The following ADGRB3 variants were observed in gnomAD, a reference collection of about 807,000 sequenced individuals.
ADGRB3 encodes the protein adhesion G protein-coupled receptor B3, also known as brain-specific angiogenesis inhibitor 3.
In ADGRB3, 37 loss-of-function variants were observed where a neutral mutation model predicts 193.4. The ratio of observed to expected loss-of-function variants is 0.19; its 90% CI spans 0.15 to 0.25. The LOEUF is 0.25. Ranked by LOEUF, ADGRB3 falls within the 10% of genes least tolerant of loss-of-function variation. The probability of loss-of-function intolerance (pLI) is 1.00; values close to 1 mark genes in which losing one functional copy is unlikely to be tolerated. For missense variants in ADGRB3, 1,637 were observed against 1,852.9 expected, an observed-to-expected ratio of 0.88 and a Z score of 2.14; for synonymous variants, 690 against 644.2, an observed-to-expected ratio of 1.07 and a Z score of -1.08.
intron 26 of ADGRB3, among the ~76,000 whole-genome samples, chr6:69,351,916 T>C (rs748031018): frequency 6.6e-6 from 1 of 152,182 alleles, no homozygotes; most frequent in Non-Finnish European, 1.5e-5. Context: ...TATTTCTCAT[T>C]TTATATATGC....
At chr6:69,281,410 G>A (rs1767433559) in intron 20 of ADGRB3, among the ~76,000 whole-genome samples, 1 of 152,088 alleles carries the variant, frequency 6.6e-6, no homozygotes, top group African/African-American at 2.4e-5. Context: ...GAAACCTTTG[G>A]TGTTCTGAGA....
intron 20 of ADGRB3, among the ~76,000 whole-genome samples, chr6:69,290,396 G>A (rs1561978252): frequency 6.6e-6 from 1 of 152,040 alleles, no homozygotes; most frequent in Non-Finnish European, 1.5e-5. Context: ...TGGTCTCAGA[G>A]TTGGCAAAAC....
intron 17 of ADGRB3, among the ~76,000 whole-genome samples, chr6:69,087,005 A>G (rs930326377): frequency 2.6e-5 from 4 of 152,108 alleles, no homozygotes; most frequent in African/African-American, 9.7e-5. Flanking sequence ...TAGTCTCAGA[A>G]TTCTGTCCAA....
intron 16 of ADGRB3, among the ~76,000 whole-genome samples, chr6:69,064,605 GT>G (rs1394852933): frequency 6.7e-6 from 1 of 150,104 alleles, no homozygotes; most frequent in Non-Finnish European, 1.5e-5. Context: ...TGTTTTTATT[GT>G]TTTTCTACAG....
chr6:69,274,475 T>TCTTC (rs1767250757), intron 20 of ADGRB3, among the ~76,000 whole-genome samples: 1 of 115,920 alleles, frequency 8.6e-6, no homozygotes, highest in Non-Finnish European at 1.7e-5. Flanking sequence ...CTTCCTTCCT[T>TCTTC]CCTCCCTCCC....
At chr6:68,639,760 C>A (rs1405613388) in intron 3 of ADGRB3, among the ~76,000 whole-genome samples, 2 of 152,044 alleles carry the variant, frequency 1.3e-5, no homozygotes, top group African/African-American at 4.8e-5. Flanking sequence ...TGCAGCCCCT[C>A]ATGGTGACAC....
intron 3 of ADGRB3, among the ~76,000 whole-genome samples, chr6:68,790,900 C>T (rs1011629231): frequency 1.8e-4 from 28 of 152,070 alleles, no homozygotes; most frequent in Non-Finnish European, 8.8e-5. Flanking sequence ...TCCAAAGGAA[C>T]GCAGCTCCTC....
At chr6:68,970,949 CA>C (rs1314705256) in intron 8 of ADGRB3, among the ~76,000 whole-genome samples, 1 of 152,124 alleles carries the variant, frequency 6.6e-6, no homozygotes, top group East Asian at 1.9e-4. Flanking sequence ...TTAGGAATTT[CA>C]AGGAGAGGAA....
intron 3 of ADGRB3, among the ~76,000 whole-genome samples, chr6:68,843,234 G>A (rs1368100602): frequency 6.6e-6 from 1 of 151,868 alleles, no homozygotes; most frequent in Non-Finnish European, 1.5e-5. Context: ...AAGGAGTCAA[G>A]TTATCCTTGT....
chr6:69,231,820 G>A (rs926857105), intron 17 of ADGRB3, among the ~76,000 whole-genome samples: 1 of 152,058 alleles, frequency 6.6e-6, no homozygotes, highest in African/African-American at 2.4e-5. Flanking sequence ...CTTCAAAAAA[G>A]TTGTAATTAA....
At chr6:68,869,303 T>C (rs1401639556) in intron 3 of ADGRB3, among the ~76,000 whole-genome samples, 1 of 152,190 alleles carries the variant, frequency 6.6e-6, no homozygotes, top group East Asian at 1.9e-4. Context: ...GTATTTACAA[T>C]TTTAACTATG....
At chr6:69,204,691 A>G (rs1765498737) in intron 17 of ADGRB3, among the ~76,000 whole-genome samples, 1 of 152,190 alleles carries the variant, frequency 6.6e-6, no homozygotes, top group Admixed American at 6.5e-5. Flanking sequence ...TTTTTACAAA[A>G]CATTTTATCT....
chr6:68,734,663 CA>C (rs755114564), intron 3 of ADGRB3, among the ~76,000 whole-genome samples: 3 of 151,898 alleles, frequency 2.0e-5, no homozygotes, highest in Non-Finnish European at 4.4e-5. Flanking sequence ...GAATCTAAAC[CA>C]ATTACAAGGG....
chr6:69,179,115 C>T (rs759101091), intron 17 of ADGRB3, among the ~76,000 whole-genome samples: 5 of 152,034 alleles, frequency 3.3e-5, no homozygotes, highest in African/African-American at 4.8e-5. Context: ...TTACATAATC[C>T]AATATTTCTC....
intron 3 of ADGRB3, among the ~76,000 whole-genome samples, chr6:68,676,779 T>C (rs998452677): frequency 6.6e-6 from 1 of 152,214 alleles, no homozygotes; most frequent in Non-Finnish European, 1.5e-5. Flanking sequence ...ACAGTTCTTA[T>C]GTGCATATAA....
intron 10 of ADGRB3, among the ~76,000 whole-genome samples, chr6:68,991,142 C>T (rs1019077422): frequency 1.3e-5 from 2 of 152,022 alleles, no homozygotes; most frequent in Admixed American, 6.6e-5. Context: ...CTATTTGTTA[C>T]CAGTGTTTCC....
At chr6:68,695,878 G>C (rs1357273357) in intron 3 of ADGRB3, among the ~76,000 whole-genome samples, 1 of 152,040 alleles carries the variant, frequency 6.6e-6, no homozygotes. Flanking sequence ...ATAACTGCGT[G>C]TGACACATTA....
intron 18 of ADGRB3, among the ~76,000 whole-genome samples, chr6:69,234,073 AATT>A (rs1231926249): frequency 1.3e-5 from 2 of 152,204 alleles, no homozygotes. Flanking sequence ...AATGCTGAAC[AATT>A]ATTATTCAGG....
intron 11 of ADGRB3, among the ~76,000 whole-genome samples, chr6:69,007,691 TCTCACACA>T (rs70987441): frequency 0.17 from 12,599 of 72,714 alleles, 668 homozygotes; most frequent in Middle Eastern, 0.31. Context: ...TCTCTCTCTC[TCTCACACA>T]CACACACACA....
Sources: allele counts gnomAD v4.1 joint callset (sites outside exome capture counted in the v4.1 genomes callset), GRCh38; gene constraint gnomAD v4.1.1; transcripts MANE v1.5; gene names NCBI Gene and HGNC (gene_info 2026-07-23, HGNC 2026-07-21).